The following NRXN1 variants were observed in gnomAD, a reference collection of about 807,000 sequenced individuals.
NRXN1 encodes neurexin 1.
NRXN1 carries 39 observed loss-of-function variants against 150.9 expected under a neutral mutation model. The ratio of observed to expected loss-of-function variants is 0.26; its 90% confidence interval spans 0.20 to 0.34. The LOEUF (loss-of-function observed/expected upper bound fraction) is 0.34, where lower values mean the gene tolerates loss of function less well. Among genes scored for constraint, NRXN1 ranks in the 10% least tolerant of loss-of-function variants. The probability of loss-of-function intolerance (pLI) is 1.00; values close to 1 mark genes in which losing one functional copy is unlikely to be tolerated. For missense variants in NRXN1, 1,815 were observed against 1,949.9 expected, an observed-to-expected ratio of 0.93 and a Z score of 1.30; for synonymous variants, 924 against 757.0, an observed-to-expected ratio of 1.22 and a Z score of -3.62.
chr2:50,720,077 A>G (rs2105112771), intron 5 of NRXN1, among the ~76,000 whole-genome samples: 1 of 152,338 alleles, frequency 6.6e-6, no homozygotes, highest in African/African-American at 2.4e-5. Context: ...CCTGCACAAG[A>G]TACCTAGATG....
chr2:50,890,753 C>G (rs1680924207), intron 5 of NRXN1, among the ~76,000 whole-genome samples: 2 of 151,714 alleles, frequency 1.3e-5, no homozygotes, highest in Admixed American at 1.3e-4. Context: ...CTGAAAAATT[C>G]ATTTAATTAT....
chr2:50,962,517 GGTTT>G (rs4031417), intron 2 of NRXN1, among the ~76,000 whole-genome samples: 118,653 of 149,416 alleles, frequency 0.79, 47,392 homozygotes, highest in East Asian at 0.98. Flanking sequence ...CCAAGTGCTT[GGTTT>G]GTTTGTTTGT....
chr2:50,290,917 C>T (rs542407966), intron 17 of NRXN1, among the ~76,000 whole-genome samples: 1 of 152,058 alleles, frequency 6.6e-6, no homozygotes, highest in Non-Finnish European at 1.5e-5. Context: ...GCAAAGGAAC[C>T]CTTTCCAAAC....
chr2:50,498,331 T>C (rs1324118495), intron 13 of NRXN1, among the ~76,000 whole-genome samples: 1 of 152,236 alleles, frequency 6.6e-6, no homozygotes, highest in Non-Finnish European at 1.5e-5. Flanking sequence ...TTTTTGTTCA[T>C]GCTAGTCTTC....
chr2:50,928,255 T>C (rs1444391714), intron 2 of NRXN1, among the ~76,000 whole-genome samples: 1 of 151,964 alleles, frequency 6.6e-6, no homozygotes, highest in Admixed American at 6.6e-5. Flanking sequence ...GGGTGATATA[T>C]TAACCACTGT....
At chr2:50,569,722 T>C (rs1437326941) in intron 8 of NRXN1, among the ~76,000 whole-genome samples, 2 of 152,168 alleles carry the variant, frequency 1.3e-5, no homozygotes, top group Non-Finnish European at 2.9e-5. Flanking sequence ...ATACTAATTC[T>C]GCAGCTCACA....
chr2:50,064,068 G>A (rs1409253451), intron 19 of NRXN1, among the ~76,000 whole-genome samples: 1 of 152,006 alleles, frequency 6.6e-6, no homozygotes, highest in Non-Finnish European at 1.5e-5. Flanking sequence ...TTTGCAAAAC[G>A]TTATAGTAAA....
chr2:50,811,863 T>C (rs1238433675), intron 5 of NRXN1, among the ~76,000 whole-genome samples: 1 of 152,130 alleles, frequency 6.6e-6, no homozygotes, highest in African/African-American at 2.4e-5. Flanking sequence ...CCAAAAAGAA[T>C]CTGTATTATT....
chr2:50,712,046 T>G (rs935745871), intron 5 of NRXN1, among the ~76,000 whole-genome samples: 1 of 152,328 alleles, frequency 6.6e-6, no homozygotes, highest in East Asian at 1.9e-4. Flanking sequence ...GATCCTGACC[T>G]ACATTATTTC....
At chr2:50,872,679 G>A (rs1443913047) in intron 5 of NRXN1, among the ~76,000 whole-genome samples, 1 of 151,804 alleles carries the variant, frequency 6.6e-6, no homozygotes, top group Non-Finnish European at 1.5e-5. Context: ...CAGGCCTGAT[G>A]CAGTGGCTCA....
intron 17 of NRXN1, among the ~76,000 whole-genome samples, chr2:50,269,479 T>A (rs1382469867): frequency 6.6e-6 from 1 of 152,232 alleles, no homozygotes; most frequent in Non-Finnish European, 1.5e-5. Flanking sequence ...TTACAAGGCA[T>A]GCACCAAAAT....
At chr2:50,562,606 A>G (rs540243143) in intron 8 of NRXN1, among the ~76,000 whole-genome samples, 2 of 152,258 alleles carry the variant, frequency 1.3e-5, no homozygotes, top group East Asian at 3.9e-4. Context: ...TAATCCACTG[A>G]AAATATGTTG....
chr2:50,020,738 T>G (rs1687440313), intron 21 of NRXN1, among the ~76,000 whole-genome samples: 1 of 152,200 alleles, frequency 6.6e-6, no homozygotes, highest in South Asian at 2.1e-4. Context: ...CAATAAATTT[T>G]AAACATAAAT....
Position 50,517,035 on chromosome 2 carries a change from G to A in NRXN1, c.2375-10418C>T, listed in dbSNP as rs149789476. On this transcript the variant is annotated intron_variant, in intron 12 of 22. Transcript: ENST00000401669. ...CACACAGACTGTTGAGTTTTATCCT[G>A]GTTCTACAAGTTATTAGCTGTGTGA... is the stretch of plus-strand genomic sequence containing the variant. Among the ~76,000 whole-genome samples the A allele has an allele frequency of 1.8e-3, 271 of 152,146 alleles. 1 individual carries two copies. Among genetic ancestry groups the A allele is most frequent in the African/African-American group, 6.2e-3 (259 of 41,516 alleles).
chr2:50,851,231 T>TG (rs1559350962), intron 5 of NRXN1, among the ~76,000 whole-genome samples: 2 of 151,774 alleles, frequency 1.3e-5, no homozygotes. Context: ...CCCCCAAAAG[T>TG]GGGGGTGAGG....
At chr2:50,066,452 G>A (rs1237874539) in intron 19 of NRXN1, among the ~76,000 whole-genome samples, 1 of 152,168 alleles carries the variant, frequency 6.6e-6, no homozygotes, top group Non-Finnish European at 1.5e-5. Flanking sequence ...AAGAAGGTGT[G>A]ATGGAACACA....
At chr2:50,671,592 T>G (rs561902486) in intron 5 of NRXN1, among the ~76,000 whole-genome samples, 17 of 151,862 alleles carry the variant, frequency 1.1e-4, no homozygotes, top group African/African-American at 4.1e-4. Context: ...TATATACTAT[T>G]GATAGGAAAT....
chr2:50,415,392 C>A (rs545292710), intron 17 of NRXN1, among the ~76,000 whole-genome samples: 2 of 152,080 alleles, frequency 1.3e-5, no homozygotes, highest in Admixed American at 6.5e-5. Context: ...ATTGTATTTT[C>A]TCTTCACTAG....
chr2:50,613,891 T>A (rs150293698), intron 8 of NRXN1, among the ~76,000 whole-genome samples: 7 of 152,250 alleles, frequency 4.6e-5, no homozygotes, highest in African/African-American at 1.7e-4. Context: ...TAAGCCAAGA[T>A]CATGCCACTG....
Sources: allele counts gnomAD v4.1 joint callset (sites outside exome capture counted in the v4.1 genomes callset), GRCh38; gene constraint gnomAD v4.1.1; transcripts MANE v1.5; gene names NCBI Gene and HGNC (gene_info 2026-07-23, HGNC 2026-07-21).